Variants in DENND1A observed in about 807,000 individuals in gnomAD.
DENND1A encodes the protein DENN domain containing 1A, also known as DENN domain-containing protein 1A.
Under a neutral mutation model 113.7 loss-of-function variants are expected in DENND1A, and 51 were observed. The ratio of observed to expected loss-of-function variants is 0.45; its 90% confidence interval spans 0.36 to 0.57. The LOEUF (loss-of-function observed/expected upper bound fraction) is 0.57, where lower values mean the gene tolerates loss of function less well. DENND1A is among the 20% of genes least tolerant of loss of function. The pLI is 0.00. For synonymous variants in DENND1A, 565 were observed against 570.8 expected, an observed-to-expected ratio of 0.99 and a Z score of 0.14; for missense variants, 1,258 against 1,395.9, an observed-to-expected ratio of 0.90 and a Z score of 1.57.
intron 10 of DENND1A, among the ~76,000 whole-genome samples, chr9:123,613,435 T>C (rs565941780): frequency 6.6e-6 from 1 of 152,326 alleles, no homozygotes; most frequent in Non-Finnish European, 1.5e-5. Flanking sequence ...CAAGGGTATC[T>C]CAGTTACAAA....
chr9:123,737,940 A>C (rs1371310222), intron 5 of DENND1A, among the ~76,000 whole-genome samples: 1 of 152,178 alleles, frequency 6.6e-6, no homozygotes, highest in Admixed American at 6.6e-5. Flanking sequence ...TCCTTCTGGG[A>C]AATTTATATG....
At chr9:123,666,026 A>G (rs2063477958) in intron 8 of DENND1A, among the ~76,000 whole-genome samples, 1 of 152,208 alleles carries the variant, frequency 6.6e-6, no homozygotes, top group South Asian at 2.1e-4. Context: ...CAGAGACAGA[A>G]AGCAGATTGA....
intron 13 of DENND1A, among the ~76,000 whole-genome samples, chr9:123,552,856 C>G (rs78392208): frequency 6.6e-6 from 1 of 152,244 alleles, no homozygotes; most frequent in Non-Finnish European, 1.5e-5. Flanking sequence ...CCCAGTAAAT[C>G]CATGTCAAGG....
intron 10 of DENND1A, among the ~76,000 whole-genome samples, chr9:123,617,196 TCTCCG>T: frequency 1.3e-5 from 2 of 152,210 alleles, no homozygotes; most frequent in Non-Finnish European, 2.9e-5. Context: ...AACCCAGCCC[TCTCCG>T]ATTTATGAGC....
chr9:123,831,096 C>T (rs551036183), intron 2 of DENND1A, among the ~76,000 whole-genome samples: 1 of 152,138 alleles, frequency 6.6e-6, no homozygotes, highest in Non-Finnish European at 1.5e-5. Context: ...AATAAAACAG[C>T]TTAGCAAATG....
chr9:123,844,946 C>T (rs1842368311), intron 2 of DENND1A, among the ~76,000 whole-genome samples: 2 of 152,166 alleles, frequency 1.3e-5, no homozygotes, highest in East Asian at 1.9e-4. Context: ...GGGCCAGGCA[C>T]GGTGGCTTAT....
At position 123,579,850 on chromosome 9, in the gene DENND1A, C is replaced by G. The variant is rs1046388148; in HGVS notation, c.867+3319G>C. Among the ~76,000 whole-genome samples, 3 of 152,132 alleles carry G rather than the reference C, an allele frequency of 2.0e-5. No homozygotes were observed. In the South Asian group the frequency reaches 6.2e-4, roughly 32 times the overall value. On this transcript the variant is annotated intron_variant, in intron 12 of 23. Transcript: ENST00000394215. ...AATTCCATTGAAATACAATAAATACCTTACAGACCACATCTCCCCCCATTA... is the reference window on the plus strand; with the variant it reads ...AATTCCATTGAAATACAATAAATACGTTACAGACCACATCTCCCCCCATTA...
rs555731367 is a variant in DENND1A, at chr9:123,845,670, C to CAAAAAAAAAAAAAAAAAAAAAAAAA, written c.88+33256_88+33280dup. ...GGGTGACCAAGTGAGAACCTGTCTC[C>CAAAAAAAAAAAAAAAAAAAAAAAAA]AAAAAAAAAAAAAAAAAAAAAAAAA... On this transcript the variant is annotated intron_variant, in intron 2 of 23. Transcript: ENST00000394215. 2.0e-4 allele frequency among the ~76,000 whole-genome samples: 9 copies of CAAAAAAAAAAAAAAAAAAAAAAAAA among 44,094 alleles called. 1 individual carries two copies. Among genetic ancestry groups the CAAAAAAAAAAAAAAAAAAAAAAAAA allele is most frequent in the African/African-American group, 6.2e-4 (8 of 12,920 alleles). The allele number at this position is 44,094 out of a possible 152,430, so 28.9% of individuals were successfully genotyped here. A position where few individuals can be genotyped will look rare whatever the true frequency, so the allele number is the denominator to read the frequency against.
intron 9 of DENND1A, among the ~76,000 whole-genome samples, chr9:123,635,587 G>C (rs2061664054): frequency 6.6e-6 from 1 of 152,248 alleles, no homozygotes; most frequent in African/African-American, 2.4e-5. Context: ...CTTGCTGCTA[G>C]ATGTCCAAAT....
chr9:123,563,764 C>A (rs984613096), intron 12 of DENND1A, among the ~76,000 whole-genome samples: 3 of 152,132 alleles, frequency 2.0e-5, no homozygotes, highest in Non-Finnish European at 4.4e-5. Context: ...AGTCTAAATT[C>A]CTTAGCACAA....
chr9:123,506,445 G>A (rs1021122937), intron 13 of DENND1A, among the ~76,000 whole-genome samples: 32 of 151,906 alleles, frequency 2.1e-4, no homozygotes, highest in African/African-American at 7.7e-4. Context: ...AGCTGGGCAT[G>A]GTGGCGTGCA....
chr9:123,894,134 C>A (rs1850347548), intron 1 of DENND1A, among the ~76,000 whole-genome samples: 1 of 152,168 alleles, frequency 6.6e-6, no homozygotes, highest in Middle Eastern at 3.2e-3. Flanking sequence ...TTCCCAGATC[C>A]CTAACAAAAG....
At chr9:123,873,121 A>G (rs1306082544) in intron 2 of DENND1A, among the ~76,000 whole-genome samples, 1 of 152,250 alleles carries the variant, frequency 6.6e-6, no homozygotes, top group African/African-American at 2.4e-5. Flanking sequence ...AATATTAGAA[A>G]AAGGCAAACA....
chr9:123,655,738 A>G (rs1158198632), intron 8 of DENND1A, among the ~76,000 whole-genome samples: 1 of 152,212 alleles, frequency 6.6e-6, no homozygotes, highest in East Asian at 1.9e-4. Flanking sequence ...CTTCCGCGGC[A>G]GGCTGTCCTC....
Position 123,381,989 on chromosome 9 carries a change from G to C in DENND1A, c.2656C>G (p.Pro886Ala). 1.4e-6 allele frequency: 2 copies of C among 1,479,898 alleles called. No homozygotes were observed. The highest frequency in any genetic ancestry group is 1.8e-6 in the Non-Finnish European group (2 of 1,115,928). 91.7% of individuals were successfully genotyped at this position (1,479,898 alleles called of 1,614,324 possible). A position where few individuals can be genotyped will look rare whatever the true frequency, so the allele number is the denominator to read the frequency against. ...FSFPPAGTPT[P>A]FPQPPLNPFV... The stretch of plus-strand genomic sequence containing the variant: ...GGGTTGAGTGGTGGCTGTGGGAATG[G>C]GGTGGGTGTCCCTGCAGGGGGGAAG... The change falls in exon 24 of 24, where the codon CCA becomes GCA. Residue 886 changes from proline to alanine, a missense_variant. Physicochemically the swap from Pro to Ala is conservative, Grantham distance 27. Around this residue, in one of 2 missense-constraint regions of DENND1A, gnomAD observed 1,159 missense variants for 1,231.7 expected, o/e 0.94. Coordinates refer to ENST00000394215, the MANE Select transcript of DENND1A (RefSeq NM_001352964.2). This position sits in a 1 kb window ranked among gnomAD's most constrained non-coding sequence, Gnocchi z 4.7.
At chr9:123,401,601 A>G in intron 21 of DENND1A, 1 of 1,420,790 alleles carries the variant, frequency 7.0e-7, no homozygotes, top group Non-Finnish European at 9.2e-7. Flanking sequence ...CCATGCTCCC[A>G]CTGGTTTATT....
intron 13 of DENND1A, among the ~76,000 whole-genome samples, chr9:123,528,567 A>G (rs1175437777): frequency 6.6e-6 from 1 of 152,048 alleles, no homozygotes; most frequent in East Asian, 1.9e-4. Context: ...TGTTCTTCTC[A>G]CTCATTTCCA....
intron 2 of DENND1A, among the ~76,000 whole-genome samples, chr9:123,801,283 C>A (rs1834623454): frequency 1.3e-5 from 2 of 152,234 alleles, no homozygotes; most frequent in African/African-American, 4.8e-5. Context: ...TCTTCCCCAA[C>A]TGAAACCTTG....
chr9:123,834,268 A>G (rs543070), intron 2 of DENND1A, among the ~76,000 whole-genome samples: 44,185 of 152,110 alleles, frequency 0.29, 10,247 homozygotes, highest in African/African-American at 0.65. Flanking sequence ...CAACAGAATC[A>G]TAAAAGCAGT....
Sources: gnomAD v4.1 joint callset for allele counts (sites outside exome capture counted in the v4.1 genomes callset) on GRCh38, gnomAD v4.1.1 for gene constraint, gnomAD v4.1.1 regional missense constraint, Gnocchi (gnomAD v3.1) non-coding constraint, MANE v1.5 for transcripts, NCBI Gene and HGNC (gene_info 2026-07-23, HGNC 2026-07-21) for gene names.